The following DIP2B variants were observed in gnomAD, a reference collection of about 807,000 sequenced individuals.
DIP2B encodes the protein DIP2 acetate--CoA ligase B (putative), also known as disco-interacting protein 2 homolog B.
In DIP2B, 76 loss-of-function variants were observed where a neutral mutation model predicts 198.0. The ratio of observed to expected loss-of-function variants is 0.38; its 90% CI spans 0.32 to 0.46. The LOEUF (loss-of-function observed/expected upper bound fraction) is 0.46. Among genes scored for constraint, DIP2B ranks in the 20% least tolerant of loss-of-function variants. DIP2B has a pLI of 0.99. For synonymous variants in DIP2B, 701 were observed against 739.1 expected (o/e 0.95, Z 0.84); for missense variants, 1,559 against 1,978.4 (o/e 0.79, Z 4.02).
chr12:50,724,885 A>G lies in DIP2B; in HGVS notation c.3399A>G (p.Thr1133=), dbSNP rs201674837. Residue 1133 remains threonine (T), a splice_region_variant and synonymous_variant, in exon 28 of 38, where the codon ACA becomes ACG. Transcript: ENST00000301180. The part of the protein sequence containing the change: ...DVKTWPTIID[T]DDLPRKRLPQ... ...AAACCTGGCCAACCATCATTGACAC[A>G]GGTGAAAGGGAGACTTCTTCTGAGG... 3.1e-6 allele frequency: 5 copies of G among 1,614,026 alleles called. No homozygotes were observed. The South Asian group carries it at 5.5e-5, about 18-fold the overall frequency.
chr12:50,603,517 T>C (rs1463478143), intron 1 of DIP2B, among the ~76,000 whole-genome samples: 1 of 151,806 alleles, frequency 6.6e-6, no homozygotes, highest in Non-Finnish European at 1.5e-5. Flanking sequence ...GGCGGGTGGA[T>C]TGCTTGAGCC....
chr12:50,739,112 G>C (rs1000406878), intron 35 of DIP2B, among the ~76,000 whole-genome samples: 1 of 152,204 alleles, frequency 6.6e-6, no homozygotes, highest in Non-Finnish European at 1.5e-5. Flanking sequence ...GGAGCCACAC[G>C]GGCATGGGTG....
chr12:50,686,776 T>C (rs1939138346), intron 12 of DIP2B, 94 bp downstream of exon 12: 1 of 1,131,760 alleles, frequency 8.8e-7, no homozygotes, highest in African/African-American at 1.6e-5. Context: ...GCAACGTTAA[T>C]GTTAGAAGAT....
At chr12:50,560,752 A>G (rs976649960) in intron 1 of DIP2B, among the ~76,000 whole-genome samples, 2 of 151,910 alleles carry the variant, frequency 1.3e-5, no homozygotes, top group East Asian at 1.9e-4. Context: ...CCCTGTCTCA[A>G]AAAAAAATAA....
intron 1 of DIP2B, among the ~76,000 whole-genome samples, chr12:50,548,460 C>T (rs1958396265): frequency 6.6e-6 from 1 of 152,162 alleles, no homozygotes; most frequent in Non-Finnish European, 1.5e-5. Flanking sequence ...TGCAGTCTGA[C>T]ATTCAATTAA....
At chr12:50,741,091 A>G (rs1390342009) in intron 36 of DIP2B, among the ~76,000 whole-genome samples, 1 of 152,162 alleles carries the variant, frequency 6.6e-6, no homozygotes, top group East Asian at 1.9e-4. Context: ...GGGTTTTGTC[A>G]GTTTTGTCTC....
chr12:50,715,069 A>G (rs190481746), intron 23 of DIP2B, among the ~76,000 whole-genome samples: 95 of 152,362 alleles, frequency 6.2e-4, no homozygotes, highest in East Asian at 5.4e-3. Context: ...CAGGTTGCAG[A>G]AAAACATAAA....
At chr12:50,729,730 C>G (rs924551256) in intron 30 of DIP2B, among the ~76,000 whole-genome samples, 3 of 139,382 alleles carry the variant, frequency 2.2e-5, no homozygotes, top group African/African-American at 7.8e-5. Context: ...TCTTTTTTTT[C>G]TTTTTCTTTT....
chr12:50,665,284 G>A (rs1938730317), intron 4 of DIP2B, among the ~76,000 whole-genome samples: 1 of 152,164 alleles, frequency 6.6e-6, no homozygotes, highest in South Asian at 2.1e-4. Context: ...TGTGTCATTT[G>A]TTTCTCATAA....
At chr12:50,693,970 A>C (rs1939262952) in intron 14 of DIP2B, among the ~76,000 whole-genome samples, 1 of 152,120 alleles carries the variant, frequency 6.6e-6, no homozygotes, top group Non-Finnish European at 1.5e-5. Context: ...TGTATGCTTG[A>C]TTAGAGTGGC....
chr12:50,609,732 C>T (rs1314176076), intron 1 of DIP2B, among the ~76,000 whole-genome samples: 2 of 152,198 alleles, frequency 1.3e-5, no homozygotes, highest in African/African-American at 4.8e-5. Flanking sequence ...GCCCAGCTAA[C>T]CATCCTATTG....
chr12:50,655,024 C>T (rs1417176798), intron 3 of DIP2B: 1 of 452,334 alleles, frequency 2.2e-6, no homozygotes, highest in Admixed American at 2.4e-5. Context: ...TCTCTCTTGT[C>T]AGAATTTACT....
chr12:50,737,811 C>T (rs1940164687), intron 35 of DIP2B, among the ~76,000 whole-genome samples: 1 of 152,096 alleles, frequency 6.6e-6, no homozygotes, highest in South Asian at 2.1e-4. Context: ...TGGTCTCGAA[C>T]TCATGAGTTC....
At chr12:50,586,828 C>T (rs1958775434) in intron 1 of DIP2B, among the ~76,000 whole-genome samples, 1 of 152,234 alleles carries the variant, frequency 6.6e-6, no homozygotes, top group South Asian at 2.1e-4. Flanking sequence ...CCGCCTTGGC[C>T]TCCCAAAGTG....
chr12:50,674,691 T>G (rs1938914910), intron 6 of DIP2B, 62 bp downstream of exon 6: 3 of 1,594,890 alleles, frequency 1.9e-6, no homozygotes, highest in Middle Eastern at 3.4e-4. Flanking sequence ...ATTCAAATTA[T>G]GAATGATAGC....
At chr12:50,708,363 G>T in intron 21 of DIP2B, 85 bp from the exon 22 acceptor site, 1 of 1,234,044 alleles carries the variant, frequency 8.1e-7, no homozygotes, top group South Asian at 1.3e-5. Context: ...TGGTGGGGTT[G>T]TCTCCTCTCT....
chr12:50,561,054 A>T (rs1415001880), intron 1 of DIP2B, among the ~76,000 whole-genome samples: 1 of 152,218 alleles, frequency 6.6e-6, no homozygotes, highest in Admixed American at 6.5e-5. Context: ...TCTAACCCCT[A>T]TGCACATTAG....
Position 50,653,183 on chromosome 12 carries a change from C to T in DIP2B, c.302-7011C>T, listed in dbSNP as rs575436648. 6.8e-4 allele frequency among the ~76,000 whole-genome samples: 103 copies of T among 152,048 alleles called. 1 individual carries two copies. The highest frequency in any genetic ancestry group is 3.4e-3 in the Middle Eastern group (1 of 294). On this transcript the variant is annotated intron_variant, in intron 3 of 37. Coordinates refer to ENST00000301180, the MANE Select transcript of DIP2B (RefSeq NM_173602.3). ...GTTGGGGAGTTTTTAGTTACTGATTCAATCTCCTTACTAGTTATAGATCTG... is the reference window on the plus strand; with the variant it reads ...GTTGGGGAGTTTTTAGTTACTGATTTAATCTCCTTACTAGTTATAGATCTG...
At chr12:50,585,663 G>T (rs1038612039) in intron 1 of DIP2B, among the ~76,000 whole-genome samples, 1 of 152,148 alleles carries the variant, frequency 6.6e-6, no homozygotes, top group African/African-American at 2.4e-5. Flanking sequence ...ATCACTTAAG[G>T]CTTCCCAGGC....
Sources: gnomAD v4.1 joint callset for allele counts (sites outside exome capture counted in the v4.1 genomes callset) on GRCh38, gnomAD v4.1.1 for gene constraint, MANE v1.5 for transcripts, NCBI Gene and HGNC (gene_info 2026-07-23, HGNC 2026-07-21) for gene names.